PYGO1: variants seen among roughly 807,000 people sequenced by gnomAD.
The protein encoded by PYGO1 is pygopus family PHD finger 1, also known as pygopus homolog 1.
A neutral mutation model predicts 29.5 loss-of-function variants in PYGO1; 6 were observed. The ratio of observed to expected loss-of-function variants is 0.20; its 90% CI spans 0.11 to 0.40. The LOEUF (loss-of-function observed/expected upper bound fraction) is 0.40, where lower values mean the gene tolerates loss of function less well. Among genes scored for constraint, PYGO1 ranks in the 10% least tolerant of loss-of-function variants. The probability of loss-of-function intolerance (pLI) is 1.00; values close to 1 mark genes in which losing one functional copy is unlikely to be tolerated. For missense variants in PYGO1, 515 were observed against 514.9 expected (o/e 1.00, Z 0.00); for synonymous variants, 186 against 180.5 (o/e 1.03, Z -0.24).
At chr15:55,561,523 C>A (rs1017106136) in intron 1 of PYGO1, among the ~76,000 whole-genome samples, 2 of 152,078 alleles carry the variant, frequency 1.3e-5, no homozygotes, top group African/African-American at 4.8e-5. Context: ...CTTATAAAAC[C>A]ATCAAATCTC....
In PYGO1 at chr15:55,547,009, C is replaced by G. The variant is rs2058855092; in HGVS notation, c.274G>C (p.Gly92Arg). ...CCTCCAAAGCCAGGATAACCAGGGC[C>G]AAGATATGGATTTGACGAAGGTAGT... ...KPLPSSNPYL[G>R]PGYPGFGGYS... is the part of the protein sequence containing the mutation. Residue 92 changes from glycine (G) to arginine (R), a missense_variant, in exon 3 of 3, where the codon GGC becomes CGC. Physicochemically the swap from Gly to Arg is moderately radical, Grantham distance 125 (BLOSUM62 -2). Transcript: ENST00000563719. 1.2e-6 allele frequency: 2 copies of G among 1,613,762 alleles called. No individual in the cohort carries two copies. The highest frequency in any genetic ancestry group is 1.7e-6 in the Non-Finnish European group (2 of 1,179,924).
At chr15:55,571,274 T>C (rs2058978963) in intron 1 of PYGO1, among the ~76,000 whole-genome samples, 1 of 152,222 alleles carries the variant, frequency 6.6e-6, no homozygotes, top group Non-Finnish European at 1.5e-5. Flanking sequence ...GATGCATACC[T>C]CGGTTGTTTC....
At chr15:55,566,592 A>G (rs940179146) in intron 1 of PYGO1, among the ~76,000 whole-genome samples, 2 of 152,152 alleles carry the variant, frequency 1.3e-5, no homozygotes, top group African/African-American at 4.8e-5. Flanking sequence ...GTATATATCC[A>G]GTAAGGGGAT....
intron 1 of PYGO1, among the ~76,000 whole-genome samples, chr15:55,575,769 C>A (rs2058998722): frequency 6.6e-6 from 1 of 152,194 alleles, no homozygotes; most frequent in African/African-American, 2.4e-5. Context: ...GAGACACCTG[C>A]ACCAGGTGTC....
chr15:55,574,367 T>A (rs2058992422), intron 1 of PYGO1, among the ~76,000 whole-genome samples: 1 of 152,226 alleles, frequency 6.6e-6, no homozygotes, highest in Non-Finnish European at 1.5e-5. Flanking sequence ...ATTGTTTACC[T>A]TCCTCTCTAC....
At chr15:55,556,117 G>C (rs988410875) in intron 1 of PYGO1, among the ~76,000 whole-genome samples, 1 of 151,982 alleles carries the variant, frequency 6.6e-6, no homozygotes, top group Non-Finnish European at 1.5e-5. Flanking sequence ...AATTAACAAA[G>C]ATATTCAGGA....
chr15:55,565,297 A>G (rs970942680), intron 1 of PYGO1, among the ~76,000 whole-genome samples: 10 of 152,112 alleles, frequency 6.6e-5, no homozygotes, highest in African/African-American at 2.4e-4. Flanking sequence ...ACTGATAATC[A>G]AAGCCTAGGC....
chr15:55,554,481 A>G (rs138705325), intron 1 of PYGO1, among the ~76,000 whole-genome samples: 1 of 12,760 alleles, frequency 7.8e-5, no homozygotes. Flanking sequence ...AAAAAAAAAA[A>G]AAAAAAAAAA....
At chr15:55,562,616 A>G (rs1420364455) in intron 1 of PYGO1, among the ~76,000 whole-genome samples, 1 of 152,190 alleles carries the variant, frequency 6.6e-6, no homozygotes, top group African/African-American at 2.4e-5. Flanking sequence ...GGTTACAGTA[A>G]GCTGAGATCA....
At chr15:55,571,045 G>A (rs1039693784) in intron 1 of PYGO1, among the ~76,000 whole-genome samples, 2 of 142,504 alleles carry the variant, frequency 1.4e-5, no homozygotes, top group African/African-American at 5.3e-5. Context: ...CATCCCCTAT[G>A]ATCCTCATCT....
In PYGO1 at chr15:55,588,033, C is replaced by G; in HGVS notation, c.-150G>C. The G allele has an allele frequency of 8.1e-7, 1 of 1,235,572 alleles. No individual in the cohort carries two copies. The highest frequency in any genetic ancestry group is 1.0e-6 in the Non-Finnish European group (1 of 985,218). The allele number at this position is 1,235,572 out of a possible 1,614,324, so 76.5% of individuals were successfully genotyped here. A position where few individuals can be genotyped will look rare whatever the true frequency, so the allele number is the denominator to read the frequency against. Reference sequence around the variant, plus strand: ...GGCCGAGGGCGGTGGGGACGCGGGCCGACTTTGCAAAGTTTGGGAGGAGGA... The same window carrying G: ...GGCCGAGGGCGGTGGGGACGCGGGCGGACTTTGCAAAGTTTGGGAGGAGGA... On this transcript the variant is annotated 5_prime_UTR_variant, in exon 1 of 3. Coordinates refer to ENST00000563719, the MANE Select transcript of PYGO1 (RefSeq NM_001367806.1).
chr15:55,588,091 C>T lies in PYGO1; in HGVS notation c.-208G>A. The T allele has an allele frequency of 1.0e-6, 1 of 986,358 alleles. No individual in the cohort carries two copies. The highest frequency in any genetic ancestry group is 1.2e-6 in the Non-Finnish European group (1 of 823,536). 61.1% of individuals were successfully genotyped at this position (986,358 alleles called of 1,614,324 possible). On this transcript the variant is annotated 5_prime_UTR_variant, in exon 1 of 3. Transcript: ENST00000563719. ...TCGGGGCGGCGGGGCGGCGGGGCGG[C>T]GTGCGGGCACCGGCGGGGCTCAGCG...
At chr15:55,555,022 T>C (rs2141652990) in intron 1 of PYGO1, among the ~76,000 whole-genome samples, 1 of 151,136 alleles carries the variant, frequency 6.6e-6, no homozygotes, top group Non-Finnish European at 1.5e-5. Flanking sequence ...CCCAGTAAAA[T>C]AATGCACAAG....
At chr15:55,554,871 T>A (rs2058897080) in intron 1 of PYGO1, among the ~76,000 whole-genome samples, 1 of 152,050 alleles carries the variant, frequency 6.6e-6, no homozygotes, top group African/African-American at 2.4e-5. Context: ...ATGTAGAGAA[T>A]AAATCTACAA....
rs1374429746 is a variant in PYGO1, at chr15:55,547,030, G to A, written c.253C>T (p.Pro85Ser). 1.1e-5 allele frequency: 17 copies of A among 1,613,888 alleles called. No individual in the cohort carries two copies. The South Asian group carries it at 1.8e-4, about 17-fold the overall frequency. Residue 85 changes from proline (P) to serine (S), a missense_variant, in exon 3 of 3, where the codon CCT (proline) becomes TCT (serine). Transcript: ENST00000563719. ...GGGCCAAGATATGGATTTGACGAAGGTAGTGGTTTATAGGAAATAGTATTA... is the reference window on the plus strand; with the variant it reads ...GGGCCAAGATATGGATTTGACGAAGATAGTGGTTTATAGGAAATAGTATTA... Reference protein sequence around the residue: ...NYNTISYKPLPSSNPYLGPGY... With the variant: ...NYNTISYKPLSSSNPYLGPGY...
At chr15:55,558,636 G>T (rs1489912845) in intron 1 of PYGO1, among the ~76,000 whole-genome samples, 1 of 151,968 alleles carries the variant, frequency 6.6e-6, no homozygotes, top group Non-Finnish European at 1.5e-5. Flanking sequence ...CATGGTACTG[G>T]TACCAAAACA....
intron 1 of PYGO1, among the ~76,000 whole-genome samples, chr15:55,560,155 T>C (rs900013441): frequency 2.0e-5 from 3 of 152,114 alleles, no homozygotes; most frequent in Non-Finnish European, 1.5e-5. Flanking sequence ...ACCACTCCTA[T>C]TAAATATAGT....
At position 55,588,024 on chromosome 15, in the gene PYGO1, G is replaced by A; in HGVS notation, c.-141C>T. ...CCGAGGCACGGCCGAGGGCGGTGGG[G>A]ACGCGGGCCGACTTTGCAAAGTTTG... is the stretch of plus-strand genomic sequence containing the variant. On this transcript the variant is annotated 5_prime_UTR_variant, in exon 1 of 3. Transcript: ENST00000563719. The A allele has an allele frequency of 7.2e-6, 9 of 1,257,370 alleles. No individual in the cohort carries two copies. The highest frequency in any genetic ancestry group is 9.0e-6 in the Non-Finnish European group (9 of 998,018). 77.9% of individuals were successfully genotyped at this position (1,257,370 alleles called of 1,614,324 possible).
Position 55,541,521 on chromosome 15 carries a change from G to T in PYGO1, c.*4502C>A, listed in dbSNP as rs1461323440. 1.3e-5 allele frequency: 2 copies of T among 152,164 alleles called. No individual in the cohort carries two copies. Among genetic ancestry groups the T allele is most frequent in the Non-Finnish European group, 2.9e-5 (2 of 68,026 alleles). The allele number at this position is 152,164 out of a possible 1,614,324, so 9.4% of individuals were successfully genotyped here. A position where few individuals can be genotyped will look rare whatever the true frequency, so the allele number is the denominator to read the frequency against. ...ATTGTCTGAAATGTTAGATATTAAA[G>T]ATTCATTCTTAATAAACATACTTTT... On this transcript the variant is annotated 3_prime_UTR_variant, in exon 3 of 3. Coordinates refer to ENST00000563719, the MANE Select transcript of PYGO1 (RefSeq NM_001367806.1).
Sources: gnomAD v4.1 joint callset for allele counts (sites outside exome capture counted in the v4.1 genomes callset) on GRCh38, gnomAD v4.1.1 for gene constraint, MANE v1.5 for transcripts, NCBI Gene and HGNC (gene_info 2026-07-23, HGNC 2026-07-21) for gene names.